FOXN4: variants seen among roughly 807,000 people sequenced by gnomAD.
The protein encoded by FOXN4 is forkhead box N4.
A neutral mutation model predicts 45.0 loss-of-function variants in FOXN4; 12 were observed. The ratio of observed to expected loss-of-function variants is 0.27; its 90% CI spans 0.17 to 0.43. The LOEUF is 0.43. Among genes scored for constraint, FOXN4 ranks in the 20% least tolerant of loss-of-function variants. FOXN4 has a pLI of 1.00. For synonymous variants in FOXN4, 297 were observed against 295.0 expected (o/e 1.01, Z -0.07); for missense variants, 560 against 694.9 (o/e 0.81, Z 2.18).
rs201494583 is a variant in FOXN4, at chr12:109,281,509, G to T, written c.1192C>A (p.Pro398Thr). ...TCTACAGGAGCCCTTCCCATGGCGGGGTGGGGGAGCGGGCTGGGGCTGAGG... is the reference window on the plus strand; with the variant it reads ...TCTACAGGAGCCCTTCCCATGGCGGTGTGGGGGAGCGGGCTGGGGCTGAGG... ...PDLSPSPLPH[P>T]AMGRAPVDFI... is the part of the protein sequence containing the mutation. The change falls in exon 9 of 10, where the codon CCC (proline) becomes ACC (threonine). Residue 398 changes from proline (P) to threonine (T), a missense_variant. Pro to Thr is a conservative substitution (Grantham distance 38). Coordinates refer to ENST00000299162, the MANE Select transcript of FOXN4 (RefSeq NM_213596.3). 2.7e-5 allele frequency: 44 copies of T among 1,613,994 alleles called. No homozygotes were observed. The Admixed American group carries it at 4.7e-4, about 17-fold the overall frequency.
intron 2 of FOXN4, among the ~76,000 whole-genome samples, chr12:109,303,708 C>A (rs2047887519): frequency 6.6e-6 from 1 of 152,198 alleles, no homozygotes; most frequent in South Asian, 2.1e-4. Flanking sequence ...CTTCCGTCAT[C>A]TCACTGGGCC....
chr12:109,300,410 C>A (rs1487702177), intron 2 of FOXN4, among the ~76,000 whole-genome samples: 1 of 152,190 alleles, frequency 6.6e-6, no homozygotes, highest in Non-Finnish European at 1.5e-5. Context: ...CCTGTGGGGA[C>A]AGCTACCTGT....
At chr12:109,297,659 G>A (rs1453450606) in intron 2 of FOXN4, among the ~76,000 whole-genome samples, 2 of 152,092 alleles carry the variant, frequency 1.3e-5, no homozygotes, top group Non-Finnish European at 2.9e-5. Context: ...ATCTAATGTC[G>A]GATGATATGA....
At chr12:109,304,236 A>T (rs1173654164) in intron 2 of FOXN4, among the ~76,000 whole-genome samples, 1 of 69,184 alleles carries the variant, frequency 1.4e-5, no homozygotes, top group East Asian at 3.2e-4. Flanking sequence ...AGAAAGAAAG[A>T]AAGAAAGAAA....
chr12:109,292,514 T>C (rs1421579416), intron 2 of FOXN4, among the ~76,000 whole-genome samples: 1 of 152,212 alleles, frequency 6.6e-6, no homozygotes, highest in Admixed American at 6.5e-5. Context: ...ATCTGTATAA[T>C]GCGGATAACA....
Position 109,281,639 on chromosome 12 carries a change from C to T in FOXN4, c.1062G>A (p.Leu354=). ...SQLPPQPLMT[L]SLQSVPLHHQ... ...GGTGCAGGGGGACTGACTGCAGGGA[C>T]AGGGTCATCAGTGGCTGGGGTGGGA... Residue 354 remains leucine, a synonymous_variant, in exon 9 of 10, where the codon CTG becomes CTA. Coordinates refer to ENST00000299162, the MANE Select transcript of FOXN4 (RefSeq NM_213596.3). 4.3e-6 allele frequency: 7 copies of T among 1,611,040 alleles called. No individual in the cohort carries two copies. The highest frequency in any genetic ancestry group is 5.9e-6 in the Non-Finnish European group (7 of 1,178,686).
chr12:109,290,961 G>A lies in FOXN4; in HGVS notation c.87-675C>T, dbSNP rs1005348871. ...TGTAGGGTGGGCCCATACTCCCCTC[G>A]TACAGATGAGAAAACTGAGGCTTGG... On this transcript the variant is annotated intron_variant, in intron 2 of 9. Coordinates refer to ENST00000299162, the MANE Select transcript of FOXN4 (RefSeq NM_213596.3). The surrounding 1 kb of genome is among the most constrained non-coding windows in gnomAD (Gnocchi z 5.1). Among the ~76,000 whole-genome samples, 2 of 152,102 alleles carry A rather than the reference G, an allele frequency of 1.3e-5. No individual in the cohort carries two copies. Among genetic ancestry groups the A allele is most frequent in the Non-Finnish European group, 2.9e-5 (2 of 68,020 alleles).
rs115514874 is a variant in FOXN4 at position 109,292,537 on chromosome 12, G to A, written c.87-2251C>T. ...AATGCGGATAACAATAGCTGTTATCGCATAGGATGTCATAAGAAATATGTA... is the reference window on the plus strand; with the variant it reads ...AATGCGGATAACAATAGCTGTTATCACATAGGATGTCATAAGAAATATGTA... On this transcript the variant is annotated intron_variant, in intron 2 of 9. Coordinates refer to ENST00000299162, the MANE Select transcript of FOXN4 (RefSeq NM_213596.3). Among the ~76,000 whole-genome samples, 1,441 of 152,240 alleles carry A rather than the reference G, an allele frequency of 9.5e-3. 26 individuals are homozygous for A. Among genetic ancestry groups the A allele is most frequent in the African/African-American group, 0.032 (1,333 of 41,532 alleles).
chr12:109,279,628 C>A lies in FOXN4; in HGVS notation c.*43G>T, dbSNP rs767943499. The A allele has an allele frequency of 6.4e-7, 1 of 1,555,840 alleles. No individual in the cohort carries two copies. Among genetic ancestry groups the A allele is most frequent in the South Asian group, 1.2e-5 (1 of 84,188 alleles). ...CACCCTGTTCTAGTCAGTTCTCTGC[C>A]CAAGCCGGGTGCCGGGGTTCCAGGG... On this transcript the variant is annotated 3_prime_UTR_variant, in exon 10 of 10. Coordinates refer to ENST00000299162, the MANE Select transcript of FOXN4 (RefSeq NM_213596.3).
rs1483981485 is a variant in FOXN4, at chr12:109,288,077, G to A, written c.336C>T (p.Pro112=). ...MAPRGMPGLG[P]ITGHRDSMSQ... ...TTACGCTGTCTCTGTGGCCAGTTAT[G>A]GGGCCCAGACCTGGCATGCCTCGGG... Residue 112 remains proline, a synonymous_variant, in exon 4 of 10, where the codon CCC becomes CCT. Transcript: ENST00000299162. This position sits in a 1 kb window ranked among gnomAD's most constrained non-coding sequence, Gnocchi z 4.3. The A allele has an allele frequency of 6.5e-7, 1 of 1,549,726 alleles. No individual in the cohort carries two copies. Among genetic ancestry groups the A allele is most frequent in the Non-Finnish European group, 8.7e-7 (1 of 1,146,472 alleles).
In FOXN4 at chr12:109,286,756, A is replaced by AGGTGG; in HGVS notation, c.597-17_597-13dup. On this transcript the variant is annotated splice_polypyrimidine_tract_variant and intron_variant, in intron 6 of 9. Coordinates refer to ENST00000299162, the MANE Select transcript of FOXN4 (RefSeq NM_213596.3). ...TGGCGATCAGACAGCTGGGGGCAGGAGGTGGGGCAGGGCAGGGCAGGGCAG... is the reference window on the plus strand; with the variant it reads ...TGGCGATCAGACAGCTGGGGGCAGGAGGTGGGGTGGGGCAGGGCAGGGCAGGGCAG... 4 of 1,600,062 alleles carry AGGTGG rather than the reference A, an allele frequency of 2.5e-6. No homozygotes were observed. The highest frequency in any genetic ancestry group is 3.4e-6 in the Non-Finnish European group (4 of 1,178,630).
rs1395163797 is a variant in FOXN4 at position 109,287,605 on chromosome 12, T to C, written c.469-81A>G. 5 of 1,441,444 alleles carry C rather than the reference T, an allele frequency of 3.5e-6. No individual in the cohort carries two copies. Among genetic ancestry groups the C allele is most frequent in the Non-Finnish European group, 4.6e-6 (5 of 1,088,342 alleles). The allele number at this position is 1,441,444 out of a possible 1,614,324, so 89.3% of individuals were successfully genotyped here. A position where few individuals can be genotyped will look rare whatever the true frequency, so the allele number is the denominator to read the frequency against. ...TAACATACGTCACTCACAGTAACAC[T>C]GTCCCCACCCCAGTTTCAAAACACC... On this transcript the variant is annotated intron_variant, in intron 5 of 9. Transcript: ENST00000299162. The surrounding 1 kb of genome is among the most constrained non-coding windows in gnomAD (Gnocchi z 4.1).
chr12:109,305,398 T>C (rs2047912357), intron 2 of FOXN4, among the ~76,000 whole-genome samples: 1 of 152,062 alleles, frequency 6.6e-6, no homozygotes, highest in Non-Finnish European at 1.5e-5. Flanking sequence ...ATTATTATTA[T>C]GTTATTTTGC....
At chr12:109,299,099 TG>T (rs35409593) in intron 2 of FOXN4, among the ~76,000 whole-genome samples, 1 of 152,108 alleles carries the variant, frequency 6.6e-6, no homozygotes, top group Non-Finnish European at 1.5e-5. Context: ...TCAAACTACG[TG>T]GGTGATCTGT....
chr12:109,306,109 C>T (rs772203453), intron 2 of FOXN4, among the ~76,000 whole-genome samples: 2 of 152,190 alleles, frequency 1.3e-5, no homozygotes, highest in Non-Finnish European at 2.9e-5. Flanking sequence ...GGGTTTCTCC[C>T]ACCCTCCAAG....
intron 8 of FOXN4, among the ~76,000 whole-genome samples, chr12:109,284,819 C>T (rs1418615125): frequency 6.7e-6 from 1 of 148,192 alleles, no homozygotes; most frequent in African/African-American, 2.5e-5. Context: ...CTGGGCCTCA[C>T]TGGGGTTGGC....
chr12:109,307,738 A>T (rs545453529), intron 2 of FOXN4, among the ~76,000 whole-genome samples: 5 of 152,342 alleles, frequency 3.3e-5, no homozygotes, highest in African/African-American at 1.2e-4. Context: ...CTTCAACAAG[A>T]TCAATTAAAT....
At chr12:109,283,723 G>C (rs879412647) in intron 8 of FOXN4, among the ~76,000 whole-genome samples, 1 of 152,156 alleles carries the variant, frequency 6.6e-6, no homozygotes, top group Non-Finnish European at 1.5e-5. Context: ...TGATCCACCC[G>C]CCTTGGCCTC....
At chr12:109,285,535 G>C in intron 7 of FOXN4, 24 bp from the exon 8 acceptor site, 1 of 1,613,172 alleles carries the variant, frequency 6.2e-7, no homozygotes, top group South Asian at 1.1e-5. Flanking sequence ...TGGGCATTCA[G>C]AGGCCTCCCT....
Sources: gnomAD v4.1 joint callset for allele counts (sites outside exome capture counted in the v4.1 genomes callset) on GRCh38, gnomAD v4.1.1 for gene constraint, Gnocchi (gnomAD v3.1) non-coding constraint, MANE v1.5 for transcripts, NCBI Gene and HGNC (gene_info 2026-07-23, HGNC 2026-07-21) for gene names.